The following KCNK10 variants were observed in gnomAD, a reference collection of about 807,000 sequenced individuals.
KCNK10 encodes potassium channel subfamily K member 10.
A neutral mutation model predicts 47.7 loss-of-function variants in KCNK10; 25 were observed. The observed-to-expected ratio is 0.52, with a 90% CI of 0.38 to 0.73. KCNK10 has a LOEUF of 0.73. Ranked by LOEUF, KCNK10 falls within the 30% of genes least tolerant of loss-of-function variation. The pLI is 0.00. For missense variants in KCNK10, 563 were observed against 714.5 expected (o/e 0.79, Z 2.42); for synonymous variants, 303 against 285.6 (o/e 1.06, Z -0.61).
chr14:88,256,201 G>C (rs138547066), intron 2 of KCNK10, among the ~76,000 whole-genome samples: 48 of 152,258 alleles, frequency 3.2e-4, no homozygotes, highest in African/African-American at 9.9e-4. Context: ...TGTTCAGAAG[G>C]GTCCTTATTA....
chr14:88,267,347 A>T (rs1288321), intron 1 of KCNK10, among the ~76,000 whole-genome samples: 82,113 of 151,916 alleles, frequency 0.54, 24,578 homozygotes, highest in East Asian at 0.93. Flanking sequence ...TGTGCTTAAG[A>T]TGGATAAATT....
intron 2 of KCNK10, among the ~76,000 whole-genome samples, chr14:88,262,049 T>C (rs905555511): frequency 6.6e-6 from 1 of 152,090 alleles, no homozygotes; most frequent in Admixed American, 6.5e-5. Context: ...TGGTAAGAAA[T>C]AAATAAATAA....
chr14:88,281,219 T>C (rs1296934955), intron 1 of KCNK10, among the ~76,000 whole-genome samples: 1 of 152,202 alleles, frequency 6.6e-6, no homozygotes, highest in Non-Finnish European at 1.5e-5. Context: ...GCTGGCTCCT[T>C]CCCATTCTTT....
intron 4 of KCNK10, among the ~76,000 whole-genome samples, chr14:88,199,190 G>C (rs144352024): frequency 6.6e-6 from 1 of 152,248 alleles, no homozygotes; most frequent in East Asian, 1.9e-4. Context: ...AAAGTGCTGG[G>C]ATTACAGGCG....
intron 2 of KCNK10, among the ~76,000 whole-genome samples, chr14:88,255,531 C>CAAAA (rs33933825): frequency 1.4e-5 from 2 of 140,008 alleles, no homozygotes; most frequent in South Asian, 2.4e-4. Context: ...CTGTCTCTAC[C>CAAAA]AAAAAAAAAA....
intron 1 of KCNK10, chr14:88,270,992 TG>T: frequency 1.6e-6 from 1 of 611,540 alleles, no homozygotes; most frequent in Non-Finnish European, 2.9e-6. Flanking sequence ...AAGCAACCTT[TG>T]CCCCAGCCAA....
intron 4 of KCNK10, among the ~76,000 whole-genome samples, chr14:88,203,828 A>G (rs1174658270): frequency 6.6e-6 from 1 of 152,206 alleles, no homozygotes; most frequent in Non-Finnish European, 1.5e-5. Context: ...CTGATGGAGT[A>G]ACACAGGGAA....
At chr14:88,262,570 T>A (rs556533606) in intron 2 of KCNK10, among the ~76,000 whole-genome samples, 2 of 152,350 alleles carry the variant, frequency 1.3e-5, no homozygotes, top group South Asian at 4.1e-4. Flanking sequence ...TCAAGTTCTC[T>A]GCTTCCATTT....
intron 2 of KCNK10, among the ~76,000 whole-genome samples, chr14:88,251,244 A>AG (rs1886790841): frequency 6.6e-6 from 1 of 151,280 alleles, no homozygotes; most frequent in African/African-American, 2.4e-5. Context: ...AAAAAAAAAA[A>AG]AAAAAAAAAG....
chr14:88,227,686 A>G, intron 3 of KCNK10, 151 bp from the exon 4 acceptor site: 1 of 597,906 alleles, frequency 1.7e-6, no homozygotes, highest in Non-Finnish European at 2.7e-6. Flanking sequence ...ACAATTCGCA[A>G]CATTGTTCCA....
At chr14:88,312,541 G>A (rs896199125) in intron 1 of KCNK10, among the ~76,000 whole-genome samples, 3 of 152,172 alleles carry the variant, frequency 2.0e-5, no homozygotes, top group Non-Finnish European at 1.5e-5. Context: ...TCTACTGCTC[G>A]GCCTGGAGGC....
chr14:88,326,344 C>T, upstream of KCNK10: 1 of 1,339,190 alleles, frequency 7.5e-7, no homozygotes, highest in Non-Finnish European at 1.1e-6. Context: ...AAACTTAGCC[C>T]TTTGGGCTAC....
At chr14:88,221,032 T>C (rs975076943) in intron 4 of KCNK10, among the ~76,000 whole-genome samples, 14 of 151,980 alleles carry the variant, frequency 9.2e-5, no homozygotes, top group African/African-American at 3.1e-4. Flanking sequence ...CCAGGCACAG[T>C]GGCTCATGCC....
chr14:88,191,271 AAAAAC>A lies in KCNK10; in HGVS notation c.868+948_868+952del, dbSNP rs1329554389. 1.7e-3 allele frequency among the ~76,000 whole-genome samples: 239 copies of A among 141,974 alleles called. 1 individual carries two copies. Among genetic ancestry groups the A allele is most frequent in the African/African-American group, 5.6e-3 (220 of 39,042 alleles). The allele number at this position is 141,974 out of a possible 152,430, so 93.1% of individuals were successfully genotyped here. On this transcript the variant is annotated intron_variant, in intron 5 of 6. Transcript: ENST00000319231. ...GTTCAAAAAAAACAAAAACAAAAAC[AAAAAC>A]AAAAAAAAACAGTCTGCTTAGGGCT... is the stretch of plus-strand genomic sequence containing the variant.
rs113633927 is a variant in KCNK10, at chr14:88,312,136, C to T, written c.52+10611G>A. ...GTCCACGGTGCTACTCAAAAGAAAC[C>T]ATATTCACTCGCCTCTGCCCAGAAC... On this transcript the variant is annotated intron_variant, in intron 1 of 6. Transcript: ENST00000319231. Among the ~76,000 whole-genome samples the T allele has an allele frequency of 2.5e-3, 381 of 152,218 alleles. 1 individual carries two copies. Among genetic ancestry groups the T allele is most frequent in the African/African-American group, 8.8e-3 (367 of 41,516 alleles).
At chr14:88,250,776 A>G (rs1210815432) in intron 2 of KCNK10, among the ~76,000 whole-genome samples, 1 of 152,228 alleles carries the variant, frequency 6.6e-6, no homozygotes, top group Non-Finnish European at 1.5e-5. Flanking sequence ...CTGTAGTCCC[A>G]GCTTCTCAGG....
intron 4 of KCNK10, 101 bp downstream of exon 4, chr14:88,227,274 A>C (rs1358672813): frequency 6.2e-6 from 6 of 974,870 alleles, no homozygotes; most frequent in Admixed American, 5.4e-5. Flanking sequence ...AAATTATTCC[A>C]TTAAAAGCAG....
intron 4 of KCNK10, among the ~76,000 whole-genome samples, chr14:88,218,230 C>G (rs1331719271): frequency 6.6e-6 from 1 of 152,178 alleles, no homozygotes; most frequent in African/African-American, 2.4e-5. Context: ...TTGGGAGAAA[C>G]AGAAGCTTCC....
intron 3 of KCNK10, among the ~76,000 whole-genome samples, chr14:88,239,333 T>C (rs1053553794): frequency 6.6e-6 from 1 of 152,196 alleles, no homozygotes; most frequent in Non-Finnish European, 1.5e-5. Flanking sequence ...ATTGAGATGC[T>C]AAGTTCACTG....
Sources: allele counts gnomAD v4.1 joint callset (sites outside exome capture counted in the v4.1 genomes callset), GRCh38; gene constraint gnomAD v4.1.1; transcripts MANE v1.5; gene names NCBI Gene and HGNC (gene_info 2026-07-23, HGNC 2026-07-21).